Variants in CEP170 observed in about 807,000 individuals in gnomAD.
The protein encoded by CEP170 is centrosomal protein 170.
Under a neutral mutation model 151.9 loss-of-function variants are expected in CEP170, and 21 were observed. The ratio of observed to expected loss-of-function variants is 0.14; its 90% CI spans 0.10 to 0.20. CEP170 has a LOEUF of 0.20. CEP170 is among the 10% of genes least tolerant of loss of function. The pLI, the probability that CEP170 is intolerant of heterozygous loss-of-function variation, is 1.00. For missense variants in CEP170, 964 were observed against 1,892.9 expected, an observed-to-expected ratio of 0.51 and a Z score of 9.11; for synonymous variants, 356 against 648.8, an observed-to-expected ratio of 0.55 and a Z score of 6.86.
At chr1:243,132,109 A>G (rs2054490561) in intron 17 of CEP170, among the ~76,000 whole-genome samples, 2 of 152,200 alleles carry the variant, frequency 1.3e-5, no homozygotes, top group Admixed American at 1.3e-4. Flanking sequence ...TGTTCATACA[A>G]TGTAAGTACG....
At chr1:243,231,832 G>A (rs939089464) in intron 1 of CEP170, among the ~76,000 whole-genome samples, 3 of 152,150 alleles carry the variant, frequency 2.0e-5, no homozygotes, top group Non-Finnish European at 4.4e-5. Flanking sequence ...TCTTTATGCT[G>A]GGTGCGGTGG....
At chr1:243,208,078 T>C (rs1572292515) in intron 4 of CEP170, among the ~76,000 whole-genome samples, 1 of 152,248 alleles carries the variant, frequency 6.6e-6, no homozygotes, top group South Asian at 2.1e-4. Flanking sequence ...TTTTTCATAT[T>C]GCTCAGGCCT....
At chr1:243,219,135 T>C (rs1381990951) in intron 3 of CEP170, among the ~76,000 whole-genome samples, 6 of 152,204 alleles carry the variant, frequency 3.9e-5, no homozygotes. Context: ...TGGGTAACAG[T>C]ATATTTATCA....
chr1:243,223,305 C>T (rs2062970599), intron 2 of CEP170, among the ~76,000 whole-genome samples: 1 of 152,056 alleles, frequency 6.6e-6, no homozygotes, highest in African/African-American at 2.4e-5. Flanking sequence ...AGAAAAAAAT[C>T]TAAATTAGAG....
intron 10 of CEP170, among the ~76,000 whole-genome samples, chr1:243,177,279 A>C (rs1026672587): frequency 1.4e-4 from 21 of 152,228 alleles, no homozygotes; most frequent in African/African-American, 4.8e-4. Flanking sequence ...GCAAAATGAT[A>C]ATTCAATAGC....
chr1:243,138,236 T>C (rs1329676579), intron 16 of CEP170, among the ~76,000 whole-genome samples: 1 of 152,186 alleles, frequency 6.6e-6, no homozygotes, highest in Non-Finnish European at 1.5e-5. Context: ...TTGGAGAAAT[T>C]TGTCTTCCTA....
At chr1:243,222,057 A>C (rs1013260331) in intron 2 of CEP170, among the ~76,000 whole-genome samples, 1 of 152,228 alleles carries the variant, frequency 6.6e-6, no homozygotes, top group African/African-American at 2.4e-5. Context: ...TTCTATTAAG[A>C]ATTTACATCA....
At position 243,125,632 on chromosome 1, in the gene CEP170, T is replaced by C. The variant is rs561258544; in HGVS notation, c.*817A>G. 1.8e-4 allele frequency: 28 copies of C among 155,536 alleles called. No homozygotes were observed. Among genetic ancestry groups the C allele is most frequent in the African/African-American group, 6.8e-4 (28 of 41,308 alleles). 9.6% of individuals were successfully genotyped at this position (155,536 alleles called of 1,614,324 possible). ...TTTCTAGTTATCATTTAACCTAAAA[T>C]GAGAGACCAAATCTTATTTCCATTA... On this transcript the variant is annotated 3_prime_UTR_variant, in exon 20 of 20. Transcript: ENST00000366542.
chr1:243,139,857 T>A (rs1391695581), intron 16 of CEP170, 80 bp downstream of exon 16: 5 of 1,484,812 alleles, frequency 3.4e-6, no homozygotes, highest in Non-Finnish European at 4.5e-6. Flanking sequence ...TCCCCAGCCC[T>A]ACTCACTGAA....
intron 12 of CEP170, among the ~76,000 whole-genome samples, chr1:243,167,839 T>G (rs1416279882): frequency 6.6e-6 from 1 of 151,936 alleles, no homozygotes; most frequent in African/African-American, 2.4e-5. Flanking sequence ...ATGTAATGGC[T>G]ACTTTACCCT....
rs2058378331 is a variant in CEP170, at chr1:243,165,586, A to C, written c.2374T>G (p.Ser792Ala). Residue 792 changes from serine (S) to alanine (A), a missense_variant, in exon 13 of 20, where the codon TCA becomes GCA. Physicochemically the swap from Ser to Ala is moderately conservative, Grantham distance 99. Coordinates refer to ENST00000366542, the MANE Select transcript of CEP170 (RefSeq NM_014812.3). Reference protein sequence around the residue: ...KQESQPPEKNSGHSTSKGDRV... With the variant: ...KQESQPPEKNAGHSTSKGDRV... ...TCTCCTTTGCTTGTAGAATGTCCTG[A>C]ATTTTTTTCTGGAGGTTGTGATTCT... 3 of 1,613,776 alleles carry C rather than the reference A, an allele frequency of 1.9e-6. No individual in the cohort carries two copies. The highest frequency in any genetic ancestry group is 2.5e-6 in the Non-Finnish European group (3 of 1,179,854).
Position 243,140,075 on chromosome 1 carries a change from GT to G in CEP170, c.4091del (p.Asn1364ThrfsTer8), listed in dbSNP as rs1301585700. 1 of 1,613,904 alleles carries G rather than the reference GT, an allele frequency of 6.2e-7. No individual in the cohort carries two copies. Among genetic ancestry groups the G allele is most frequent in the Non-Finnish European group, 8.5e-7 (1 of 1,179,814 alleles). ...LVDRVFDESL[N>X]FRKIPPLVHS... is the part of the protein sequence containing the mutation. ...GAACTAATGGAGGAATCTTTCGGAA[GT>G]TGAGGCTTTCATCAAAAACACGATC... On this transcript the variant is annotated frameshift_variant, in exon 16 of 20. Coordinates refer to ENST00000366542, the MANE Select transcript of CEP170 (RefSeq NM_014812.3). LOFTEE classifies it high-confidence loss of function.
At chr1:243,220,139 A>T (rs1030590193) in intron 3 of CEP170, among the ~76,000 whole-genome samples, 2 of 152,244 alleles carry the variant, frequency 1.3e-5, no homozygotes, top group Non-Finnish European at 2.9e-5. Context: ...CCTTTGTTTC[A>T]TCTCTTCAAA....
chr1:243,216,141 CCCAACA>C (rs1673796409), intron 3 of CEP170, among the ~76,000 whole-genome samples: 1 of 152,066 alleles, frequency 6.6e-6, no homozygotes, highest in Non-Finnish European at 1.5e-5. Flanking sequence ...CAAATAAACA[CCCAACA>C]AGTTTTTCTT....
chr1:243,221,485 T>C, intron 3 of CEP170: 1 of 466,340 alleles, frequency 2.1e-6, no homozygotes. Context: ...AAGTCTTCTT[T>C]AGCCATCACA....
intron 17 of CEP170, among the ~76,000 whole-genome samples, chr1:243,130,628 A>C (rs1047123098): frequency 3.3e-5 from 5 of 152,086 alleles, no homozygotes; most frequent in Non-Finnish European, 7.4e-5. Context: ...ACAACACTAT[A>C]TAACCTCATG....
intron 4 of CEP170, among the ~76,000 whole-genome samples, chr1:243,211,023 CA>C (rs2061755035): frequency 6.7e-6 from 1 of 149,002 alleles, no homozygotes; most frequent in African/African-American, 2.5e-5. Flanking sequence ...GCTACGGTGA[CA>C]AAAGTCCATC....
At chr1:243,213,861 T>TGC in intron 3 of CEP170, among the ~76,000 whole-genome samples, 1 of 152,112 alleles carries the variant, frequency 6.6e-6, no homozygotes. Context: ...TAGAGGCTTG[T>TGC]GCCACCACAC....
At chr1:243,197,792 A>C (rs2060758128) in intron 7 of CEP170, among the ~76,000 whole-genome samples, 1 of 152,004 alleles carries the variant, frequency 6.6e-6, no homozygotes, top group Non-Finnish European at 1.5e-5. Context: ...TTCCCTGTTT[A>C]GTCTCAGGCA....
Sources: gnomAD v4.1 joint callset for allele counts (sites outside exome capture counted in the v4.1 genomes callset) on GRCh38, gnomAD v4.1.1 for gene constraint, MANE v1.5 for transcripts, NCBI Gene and HGNC (gene_info 2026-07-23, HGNC 2026-07-21) for gene names.